The following SIPA1L1 variants were observed in gnomAD, a reference collection of about 807,000 sequenced individuals.
The protein encoded by SIPA1L1 is signal-induced proliferation-associated 1-like protein 1.
In SIPA1L1, 26 loss-of-function variants were observed where a neutral mutation model predicts 162.7. The observed-to-expected ratio is 0.16, with a 90% confidence interval of 0.12 to 0.22. The LOEUF is 0.22. Among genes scored for constraint, SIPA1L1 ranks in the 10% least tolerant of loss-of-function variants. The pLI is 1.00. For synonymous variants in SIPA1L1, 829 were observed against 837.4 expected (o/e 0.99, Z 0.17); for missense variants, 1,874 against 2,241.0 (o/e 0.84, Z 3.31).
chr14:71,709,413 A>G lies in SIPA1L1; in HGVS notation c.3957A>G (p.Thr1319=), dbSNP rs2082704583. The change falls in exon 17 of 24, where the codon ACA becomes ACG. Residue 1319 remains threonine (T), a synonymous_variant. Transcript: ENST00000381232. ...CTTATGGCCCCAGCCACGGCAGCACAGCCTCGCTGGGGGCTGCCACATCGT... is the reference window on the plus strand; with the variant it reads ...CTTATGGCCCCAGCCACGGCAGCACGGCCTCGCTGGGGGCTGCCACATCGT... ...TTSYGPSHGS[T]ASLGAATSSP... is the part of the protein sequence containing the mutation. 6.2e-7 allele frequency: 1 copy of G among 1,614,200 alleles called. No homozygotes were observed. The highest frequency in any genetic ancestry group is 8.5e-7 in the Non-Finnish European group (1 of 1,180,036).
intron 2 of SIPA1L1, among the ~76,000 whole-genome samples, chr14:71,353,565 C>T (rs938615571): frequency 1.3e-5 from 2 of 152,120 alleles, no homozygotes; most frequent in Non-Finnish European, 1.5e-5. Context: ...TTAACAGAGT[C>T]GCTAGGCTGC....
intron 2 of SIPA1L1, among the ~76,000 whole-genome samples, chr14:71,409,339 A>C (rs772158356): frequency 6.6e-6 from 1 of 151,992 alleles, no homozygotes; most frequent in Non-Finnish European, 1.5e-5. Flanking sequence ...TTTTGTCTAA[A>C]ACTTTTTGTT....
intron 13 of SIPA1L1, among the ~76,000 whole-genome samples, chr14:71,687,666 T>G (rs1464340155): frequency 3.3e-5 from 5 of 152,220 alleles, no homozygotes; most frequent in Non-Finnish European, 7.3e-5. Flanking sequence ...GGAGCAGCTT[T>G]CAGTGCTAGA....
chr14:71,540,145 G>A (rs1266608539), intron 4 of SIPA1L1, among the ~76,000 whole-genome samples: 3 of 152,132 alleles, frequency 2.0e-5, no homozygotes, highest in Non-Finnish European at 4.4e-5. Context: ...TATAGCAGCC[G>A]ATAGTTTACA....
intron 2 of SIPA1L1, among the ~76,000 whole-genome samples, chr14:71,446,437 C>A (rs1345918517): frequency 6.6e-6 from 1 of 152,060 alleles, no homozygotes; most frequent in Non-Finnish European, 1.5e-5. Flanking sequence ...TATGGTGGCT[C>A]ACACCTGTAA....
At chr14:71,679,054 G>A (rs2149475959) in intron 12 of SIPA1L1, among the ~76,000 whole-genome samples, 1 of 152,184 alleles carries the variant, frequency 6.6e-6, no homozygotes, top group African/African-American at 2.4e-5. Context: ...TAGCAAGGCA[G>A]GCCAACATTC....
rs767254479 is a variant in SIPA1L1 at position 71,733,780 on chromosome 14, C to G, written c.4976C>G (p.Ser1659Cys). Residue 1659 changes from serine (S) to cysteine (C), a missense_variant, in exon 21 of 24, where the codon TCC (serine) becomes TGC (cysteine). By Grantham distance (112) the Ser-to-Cys change is moderately radical. This residue lies in a region of SIPA1L1 where 936 missense variants were observed against 1,051.9 expected (regional missense o/e 0.89). Coordinates refer to ENST00000381232, the MANE Select transcript of SIPA1L1 (RefSeq NM_001386936.1). ...GACACTGCTGCAGACTTGGATTGGT[C>G]CAACCTGGTAGATGCTGCCAAAGCC... ...LPDTAADLDW[S>C]NLVDAAKAYE... is the part of the protein sequence containing the mutation. The G allele has an allele frequency of 6.2e-7, 1 of 1,613,192 alleles. No homozygotes were observed. Among genetic ancestry groups the G allele is most frequent in the Non-Finnish European group, 8.5e-7 (1 of 1,180,006 alleles).
chr14:71,728,602 C>T (rs1267691512), intron 19 of SIPA1L1, among the ~76,000 whole-genome samples: 2 of 152,244 alleles, frequency 1.3e-5, no homozygotes, highest in Non-Finnish European at 2.9e-5. Flanking sequence ...ATGCTAGGCC[C>T]TGTGTATCCA....
At chr14:71,521,145 T>C (rs1406971069) in intron 3 of SIPA1L1, among the ~76,000 whole-genome samples, 3 of 152,184 alleles carry the variant, frequency 2.0e-5, no homozygotes, top group African/African-American at 7.2e-5. Context: ...TTGTTTATGT[T>C]GTAGGGGAGA....
At chr14:71,701,150 A>C (rs1245972770) in intron 14 of SIPA1L1, among the ~76,000 whole-genome samples, 2 of 152,070 alleles carry the variant, frequency 1.3e-5, no homozygotes, top group African/African-American at 4.8e-5. Context: ...TTGAGGCAAA[A>C]ATTCAGTGAC....
chr14:71,691,037 T>C (rs960628232), intron 13 of SIPA1L1, among the ~76,000 whole-genome samples: 1 of 152,200 alleles, frequency 6.6e-6, no homozygotes, highest in Non-Finnish European at 1.5e-5. Context: ...AGAGCAGAAG[T>C]AGGATTCGTT....
At chr14:71,321,026 C>G (rs1347281547) in intron 1 of SIPA1L1, 96 bp from the exon 2 acceptor site, 1 of 152,288 alleles carries the variant, frequency 6.6e-6, no homozygotes, top group Non-Finnish European at 1.5e-5. Flanking sequence ...CCGCTCCGCG[C>G]TCGGCGCCCG....
At chr14:71,603,949 ATT>A (rs1040565858) in intron 5 of SIPA1L1, among the ~76,000 whole-genome samples, 11 of 144,154 alleles carry the variant, frequency 7.6e-5, no homozygotes, top group Non-Finnish European at 1.5e-4. Flanking sequence ...ATCTATATAT[ATT>A]TATATATATT....
At chr14:71,457,731 A>AT (rs1337608289) in intron 2 of SIPA1L1, among the ~76,000 whole-genome samples, 1 of 151,920 alleles carries the variant, frequency 6.6e-6, no homozygotes, top group African/African-American at 2.4e-5. Flanking sequence ...AGTAGCTGGG[A>AT]TTACAGGTGC....
Position 71,588,986 on chromosome 14 carries a change from G to T in SIPA1L1, c.1114G>T (p.Val372Phe). ...TTCCGCAGCTGCCGTGGCATCCTTG[G>T]TCTCTGGACCTCTGTCTCATTCAGC... ...GASAAAVASL[V>F]SGPLSHSASF... is the part of the protein sequence containing the mutation. The change falls in exon 5 of 24, where the codon GTC becomes TTC. Residue 372 changes from valine (V) to phenylalanine (F), a missense_variant. Physicochemically the swap from Val to Phe is conservative, Grantham distance 50 (BLOSUM62 -1). Around this residue, in one of 5 missense-constraint regions of SIPA1L1, gnomAD observed 685 missense variants for 828.0 expected, o/e 0.83. Coordinates refer to ENST00000381232, the MANE Select transcript of SIPA1L1 (RefSeq NM_001386936.1). The surrounding 1 kb of genome is among the most constrained non-coding windows in gnomAD (Gnocchi z 4.3). The T allele has an allele frequency of 6.2e-7, 1 of 1,614,114 alleles. No homozygotes were observed. Among genetic ancestry groups the T allele is most frequent in the Non-Finnish European group, 8.5e-7 (1 of 1,179,984 alleles).
chr14:71,583,564 C>G (rs147668411), intron 4 of SIPA1L1, among the ~76,000 whole-genome samples: 208 of 152,234 alleles, frequency 1.4e-3, no homozygotes, highest in Non-Finnish European at 2.5e-3. Flanking sequence ...CACCCCCTTC[C>G]CACATCTTCT....
chr14:71,456,068 A>G (rs923813361), intron 2 of SIPA1L1, among the ~76,000 whole-genome samples: 6 of 152,186 alleles, frequency 3.9e-5, no homozygotes, highest in African/African-American at 1.4e-4. Flanking sequence ...ATGCAATATC[A>G]TTTTTTAATT....
chr14:71,727,223 A>G (rs1016836895), intron 19 of SIPA1L1, among the ~76,000 whole-genome samples: 4 of 152,108 alleles, frequency 2.6e-5, no homozygotes, highest in African/African-American at 9.7e-5. Context: ...TATATACCAA[A>G]GGAGGTGGCT....
At chr14:71,326,241 C>G (rs957160356) in intron 2 of SIPA1L1, among the ~76,000 whole-genome samples, 2 of 148,964 alleles carry the variant, frequency 1.3e-5, no homozygotes, top group African/African-American at 5.0e-5. Flanking sequence ...TGGAGTCTCG[C>G]TGTGTCACCC....
Sources: gnomAD v4.1 joint callset for allele counts (sites outside exome capture counted in the v4.1 genomes callset) on GRCh38, gnomAD v4.1.1 for gene constraint, gnomAD v4.1.1 regional missense constraint, Gnocchi (gnomAD v3.1) non-coding constraint, MANE v1.5 for transcripts, NCBI Gene and HGNC (gene_info 2026-07-23, HGNC 2026-07-21) for gene names.